Variants in CDC73 observed in about 807,000 individuals in gnomAD.
CDC73 encodes the protein parafibromin.
In CDC73, 21 loss-of-function variants were observed where a neutral mutation model predicts 83.7. The ratio of observed to expected loss-of-function variants is 0.25; its 90% CI spans 0.18 to 0.36. The LOEUF is 0.36. Among genes scored for constraint, CDC73 ranks in the 10% least tolerant of loss-of-function variants. CDC73 has a pLI of 1.00. For missense variants in CDC73, 342 were observed against 653.3 expected, an observed-to-expected ratio of 0.52 and a Z score of 5.19; for synonymous variants, 224 against 212.9, an observed-to-expected ratio of 1.05 and a Z score of -0.45.
intron 10 of CDC73, among the ~76,000 whole-genome samples, chr1:193,182,277 A>G (rs908633171): frequency 1.3e-5 from 2 of 152,174 alleles, no homozygotes; most frequent in African/African-American, 4.8e-5. Context: ...TTCAGGGTCT[A>G]GTAACTTCAG....
chr1:193,213,024 T>TA (rs749698591), intron 13 of CDC73, among the ~76,000 whole-genome samples: 2 of 152,176 alleles, frequency 1.3e-5, no homozygotes, highest in Non-Finnish European at 2.9e-5. Flanking sequence ...TTTGTTCTAA[T>TA]AAACATGCAT....
chr1:193,182,024 A>G (rs1676725835), intron 10 of CDC73, among the ~76,000 whole-genome samples: 1 of 152,124 alleles, frequency 6.6e-6, no homozygotes, highest in Admixed American at 6.6e-5. Context: ...TTGTGTAAAA[A>G]CGCCTTAAGA....
intron 15 of CDC73, among the ~76,000 whole-genome samples, chr1:193,244,381 A>G (rs1421957770): frequency 6.6e-6 from 1 of 152,194 alleles, no homozygotes; most frequent in Admixed American, 6.5e-5. Flanking sequence ...GATTTTTTAC[A>G]CTGTAGCTGA....
rs1357167270 is a variant in CDC73, at chr1:193,253,715, T to G, written c.*3003T>G. Reference sequence around the variant, plus strand: ...ATAATTTTTAAGGCAGAAAGAAGTATTAATTTTTGATCTGCCATGTAGAAT... The same window carrying G: ...ATAATTTTTAAGGCAGAAAGAAGTAGTAATTTTTGATCTGCCATGTAGAAT... On this transcript the variant is annotated 3_prime_UTR_variant, in exon 17 of 17. Transcript: ENST00000367435. 2 of 231,606 alleles carry G rather than the reference T, an allele frequency of 8.6e-6. No individual in the cohort carries two copies. Among genetic ancestry groups the G allele is most frequent in the Non-Finnish European group, 1.7e-5 (2 of 117,144 alleles). The allele number at this position is 231,606 out of a possible 1,614,324, so 14.3% of individuals were successfully genotyped here. A position where few individuals can be genotyped will look rare whatever the true frequency, so the allele number is the denominator to read the frequency against.
At position 193,228,809 on chromosome 1, in the gene CDC73, G is replaced by A. The variant is rs192703705; in HGVS notation, c.1155-4184G>A. On this transcript the variant is annotated intron_variant, in intron 13 of 16. Coordinates refer to ENST00000367435, the MANE Select transcript of CDC73 (RefSeq NM_024529.5). ...CATAAAAAGAAATTTTAAAACTTCT[G>A]TTCATCAAAAGACACCATTAAGAAA... Among the ~76,000 whole-genome samples the A allele has an allele frequency of 3.9e-4, 59 of 151,864 alleles. No individual in the cohort carries two copies. In the East Asian group the frequency reaches 9.6e-3, roughly 25 times the overall value.
chr1:193,187,071 C>G (rs1385163444), intron 10 of CDC73, among the ~76,000 whole-genome samples: 3 of 104,242 alleles, frequency 2.9e-5, no homozygotes, highest in Non-Finnish European at 5.8e-5. Flanking sequence ...CCTATGGTTT[C>G]TATTGAAACC....
In CDC73 at chr1:193,125,201, A is replaced by G; in HGVS notation, c.221A>G (p.Tyr74Cys). ...LNNVHLSHPVYVRRAATENIP... is the reference protein window; with the variant it reads ...LNNVHLSHPVCVRRAATENIP... Reference sequence around the variant, plus strand: ...AACGTGCACCTTTCTCATCCTGTTTATGTCCGACGTGCAGCTGTAAGTAGA... The same window carrying G: ...AACGTGCACCTTTCTCATCCTGTTTGTGTCCGACGTGCAGCTGTAAGTAGA... The change falls in exon 2 of 17, where the codon TAT (tyrosine) becomes TGT (cysteine). Residue 74 changes from tyrosine to cysteine, a missense_variant. Around this residue, in one of 3 missense-constraint regions of CDC73, gnomAD observed 99 missense variants for 174.5 expected, o/e 0.57. Coordinates refer to ENST00000367435, the MANE Select transcript of CDC73 (RefSeq NM_024529.5). 1 of 1,569,016 alleles carries G rather than the reference A, an allele frequency of 6.4e-7. No individual in the cohort carries two copies. Among genetic ancestry groups the G allele is most frequent in the Non-Finnish European group, 8.8e-7 (1 of 1,138,764 alleles).
intron 10 of CDC73, among the ~76,000 whole-genome samples, chr1:193,173,476 G>A (rs1469907689): frequency 6.6e-6 from 1 of 152,076 alleles, no homozygotes; most frequent in Non-Finnish European, 1.5e-5. Flanking sequence ...CATAGCCACA[G>A]TGCCATTGTA....
Position 193,204,253 on chromosome 1 carries a change from ATGTGTGTG to A in CDC73, c.1030+419_1030+426del, listed in dbSNP as rs370382322. Among the ~76,000 whole-genome samples the A allele has an allele frequency of 3.5e-3, 435 of 123,796 alleles. 11 individuals carry two copies. The highest frequency in any genetic ancestry group is 4.3e-3 in the Non-Finnish European group (263 of 61,366). The allele number at this position is 123,796 out of a possible 152,430, so 81.2% of individuals were successfully genotyped here. Reference sequence around the variant, plus strand: ...TATATATACACGTATATATATGTGTATGTGTGTGTGTGTGTGTGTGTGTGTATATATAT... The same window carrying A: ...TATATATACACGTATATATATGTGTATGTGTGTGTGTGTGTGTATATATAT... On this transcript the variant is annotated intron_variant, in intron 11 of 16. Coordinates refer to ENST00000367435, the MANE Select transcript of CDC73 (RefSeq NM_024529.5).
At chr1:193,162,389 T>C (rs1056720365) in intron 10 of CDC73, among the ~76,000 whole-genome samples, 6 of 144,082 alleles carry the variant, frequency 4.2e-5, no homozygotes, top group Non-Finnish European at 7.5e-5. Flanking sequence ...TATACACATA[T>C]GAAGACAGAG....
intron 2 of CDC73, 32 bp from the exon 3 acceptor site, chr1:193,130,142 A>T: frequency 1.0e-6 from 1 of 981,736 alleles, no homozygotes; most frequent in Non-Finnish European, 1.7e-6. Flanking sequence ...ATTGTTATTC[A>T]TTTCATATCT....
intron 10 of CDC73, among the ~76,000 whole-genome samples, chr1:193,164,072 A>G (rs1676390867): frequency 6.6e-6 from 1 of 152,208 alleles, no homozygotes; most frequent in Admixed American, 6.5e-5. Context: ...TGCCCAGCCC[A>G]GTATAGTAGA....
intron 7 of CDC73, among the ~76,000 whole-genome samples, chr1:193,143,221 G>GC (rs1300906775): frequency 6.6e-6 from 1 of 152,118 alleles, no homozygotes; most frequent in African/African-American, 2.4e-5. Context: ...ATTCTCCAGA[G>GC]CTTAGAATTA....
Position 193,215,519 on chromosome 1 carries a change from TTTTATACAG to T in CDC73, c.1154+3045_1154+3053del, listed in dbSNP as rs530792886. Among the ~76,000 whole-genome samples the T allele has an allele frequency of 4.1e-4, 62 of 152,256 alleles. 2 individuals carry two copies. The South Asian group carries it at 0.012, about 28-fold the overall frequency. On this transcript the variant is annotated intron_variant, in intron 13 of 16. Transcript: ENST00000367435. Reference sequence around the variant, plus strand: ...AAACATTCAGATTAAGAAATTAAGTTTTTATACAGTTACATAGAAATTAAACAGCCTGGT... The same window carrying T: ...AAACATTCAGATTAAGAAATTAAGTTTTACATAGAAATTAAACAGCCTGGT...
At chr1:193,137,805 A>C (rs1168263551) in intron 5 of CDC73, among the ~76,000 whole-genome samples, 1 of 152,228 alleles carries the variant, frequency 6.6e-6, no homozygotes, top group Non-Finnish European at 1.5e-5. Context: ...GTCTTTCTGA[A>C]GAAAGTCAGC....
intron 10 of CDC73, chr1:193,180,071 TCTC>T (rs1223114319): frequency 5.5e-6 from 2 of 365,772 alleles, no homozygotes; most frequent in Non-Finnish European, 9.6e-6. Context: ...ATACACAGAA[TCTC>T]CTTATACAGT....
chr1:193,146,326 A>C (rs1675999948), intron 7 of CDC73, among the ~76,000 whole-genome samples: 1 of 152,196 alleles, frequency 6.6e-6, no homozygotes, highest in Non-Finnish European at 1.5e-5. Context: ...TCAGAGGCCA[A>C]GTATCTTTGT....
At chr1:193,194,395 T>C (rs1473334878) in intron 10 of CDC73, among the ~76,000 whole-genome samples, 3 of 152,164 alleles carry the variant, frequency 2.0e-5, no homozygotes, top group African/African-American at 7.2e-5. Context: ...TCTTAAGACT[T>C]ACAGATCAAC....
intron 1 of CDC73, among the ~76,000 whole-genome samples, chr1:193,122,830 G>A (rs921165607): frequency 2.0e-5 from 3 of 152,114 alleles, no homozygotes; most frequent in Admixed American, 2.0e-4. Context: ...GAAGAGAAAA[G>A]GGAATCAACC....
Sources: allele counts gnomAD v4.1 joint callset (sites outside exome capture counted in the v4.1 genomes callset), GRCh38; gene constraint gnomAD v4.1.1; regional missense constraint gnomAD v4.1.1; transcripts MANE v1.5; gene names NCBI Gene and HGNC (gene_info 2026-07-23, HGNC 2026-07-21).